KCNS3: variants seen among roughly 807,000 people sequenced by gnomAD.
KCNS3 encodes potassium voltage-gated channel modifier subfamily S member 3.
In KCNS3, 13 loss-of-function variants were observed where a neutral mutation model predicts 31.0. The ratio of observed to expected loss-of-function variants is 0.42; its 90% CI spans 0.27 to 0.67. The LOEUF is 0.67. Ranked by LOEUF, KCNS3 falls within the 30% of genes least tolerant of loss-of-function variation. The probability of loss-of-function intolerance (pLI) is 0.25; values close to 1 mark genes in which losing one functional copy is unlikely to be tolerated. For synonymous variants in KCNS3, 238 were observed against 241.5 expected (o/e 0.99, Z 0.13); for missense variants, 545 against 622.4 (o/e 0.88, Z 1.32).
chr2:17,902,882 C>T (rs770699783), intron 1 of KCNS3, among the ~76,000 whole-genome samples: 8 of 152,142 alleles, frequency 5.3e-5, no homozygotes, highest in Non-Finnish European at 1.2e-4. Context: ...CCAATTTTTC[C>T]ATGTACTTTT....
chr2:17,891,914 C>A (rs1249143125), intron 1 of KCNS3, among the ~76,000 whole-genome samples: 1 of 152,098 alleles, frequency 6.6e-6, no homozygotes, highest in Admixed American at 6.5e-5. Context: ...AGGTGAAGAT[C>A]TTTTTATGAT....
chr2:17,884,791 C>T (rs1458516900), intron 1 of KCNS3, among the ~76,000 whole-genome samples: 3 of 152,100 alleles, frequency 2.0e-5, no homozygotes, highest in Non-Finnish European at 4.4e-5. Flanking sequence ...CATTTGAATC[C>T]TATCTCTGGC....
intron 1 of KCNS3, among the ~76,000 whole-genome samples, chr2:17,907,584 G>T (rs900359697): frequency 2.0e-5 from 3 of 152,146 alleles, no homozygotes; most frequent in Admixed American, 6.5e-5. Flanking sequence ...TCATGTTTTT[G>T]CAGTGGCTGG....
chr2:17,918,990 C>G (rs903447106), intron 2 of KCNS3, among the ~76,000 whole-genome samples: 1 of 152,342 alleles, frequency 6.6e-6, no homozygotes, highest in Non-Finnish European at 1.5e-5. Context: ...GTATTTACAG[C>G]AGGGCTAGGG....
At chr2:17,911,207 TA>T (rs1662464508) in intron 1 of KCNS3, among the ~76,000 whole-genome samples, 1 of 152,218 alleles carries the variant, frequency 6.6e-6, no homozygotes, top group Non-Finnish European at 1.5e-5. Context: ...GTATTGCCGT[TA>T]TTTATTTACC....
intron 1 of KCNS3, among the ~76,000 whole-genome samples, chr2:17,881,330 G>T (rs1248877963): frequency 2.0e-5 from 3 of 152,198 alleles, no homozygotes; most frequent in Non-Finnish European, 4.4e-5. Flanking sequence ...CCACCTGTGT[G>T]AAATACCCAC....
Position 17,901,287 on chromosome 2 carries a change from G to A in KCNS3, c.-251-16393G>A, listed in dbSNP as rs549364692. On this transcript the variant is annotated intron_variant, in intron 1 of 2. Coordinates refer to ENST00000304101, the MANE Select transcript of KCNS3 (RefSeq NM_002252.5). ...AGGTGTCTGTTGTGGTGAACCAGTG[G>A]AAAAATACCGAGTATCTGGATTAAG... Among the ~76,000 whole-genome samples the A allele has an allele frequency of 5.3e-5, 8 of 152,118 alleles. No homozygotes were observed. The South Asian group carries it at 8.3e-4, about 16-fold the overall frequency.
chr2:17,886,210 T>A (rs1032466664), intron 1 of KCNS3, among the ~76,000 whole-genome samples: 1 of 152,226 alleles, frequency 6.6e-6, no homozygotes, highest in Non-Finnish European at 1.5e-5. Flanking sequence ...TATATATTTT[T>A]TACTTTTATT....
In KCNS3 at chr2:17,931,592, T is replaced by C; in HGVS notation, c.584T>C (p.Val195Ala). The change falls in exon 3 of 3, where the codon GTG becomes GCG. Residue 195 changes from valine to alanine, a missense_variant. Val to Ala is a moderately conservative substitution (Grantham distance 64, BLOSUM62 0). Coordinates refer to ENST00000304101, the MANE Select transcript of KCNS3 (RefSeq NM_002252.5). The surrounding 1 kb of genome is among the most constrained non-coding windows in gnomAD (Gnocchi z 5.4). ...ATCGCTATCTCCTCCTTGAGCGTGG[T>C]GCTGGCCTCCATCGTGGCCATGTGC... is the stretch of plus-strand genomic sequence containing the variant. ...KLIAISSLSV[V>A]LASIVAMCVH... The C allele has an allele frequency of 6.2e-7, 1 of 1,614,188 alleles. No individual in the cohort carries two copies. The highest frequency in any genetic ancestry group is 8.5e-7 in the Non-Finnish European group (1 of 1,180,030).
intron 1 of KCNS3, among the ~76,000 whole-genome samples, chr2:17,913,437 A>G (rs894178818): frequency 2.0e-5 from 3 of 152,268 alleles, no homozygotes; most frequent in Admixed American, 6.5e-5. Flanking sequence ...GTGCATATGC[A>G]CAGTATATCA....
chr2:17,913,224 A>G (rs1315651572), intron 1 of KCNS3, among the ~76,000 whole-genome samples: 1 of 152,226 alleles, frequency 6.6e-6, no homozygotes, highest in East Asian at 1.9e-4. Context: ...ATATAATTTT[A>G]TTGCTCTCAG....
intron 1 of KCNS3, among the ~76,000 whole-genome samples, chr2:17,889,236 G>A (rs200246718): frequency 2.6e-5 from 4 of 152,088 alleles, no homozygotes; most frequent in Non-Finnish European, 4.4e-5. Flanking sequence ...CTTGGTCGCT[G>A]TTGGTGTATA....
chr2:17,916,623 CTG>C (rs1407070877), intron 1 of KCNS3, among the ~76,000 whole-genome samples: 1 of 152,188 alleles, frequency 6.6e-6, no homozygotes, highest in African/African-American at 2.4e-5. Context: ...AACTTGGAAA[CTG>C]TGTTCCTGCT....
intron 1 of KCNS3, among the ~76,000 whole-genome samples, chr2:17,900,510 G>GA (rs1392932907): frequency 1.3e-5 from 2 of 152,110 alleles, no homozygotes; most frequent in Non-Finnish European, 1.5e-5. Flanking sequence ...TTTGGTGGGG[G>GA]ATGGAGTCTC....
upstream of KCNS3, among the ~76,000 whole-genome samples, chr2:17,878,261 C>T (rs956952938): frequency 2.0e-5 from 3 of 152,118 alleles, no homozygotes; most frequent in African/African-American, 7.2e-5. Context: ...GCGGTTGCCC[C>T]AGCCGCCGGG....
At chr2:17,922,698 T>C (rs146931560) in intron 2 of KCNS3, among the ~76,000 whole-genome samples, 1 of 152,166 alleles carries the variant, frequency 6.6e-6, no homozygotes, top group Non-Finnish European at 1.5e-5. Flanking sequence ...TAATCTACTT[T>C]CTGTTTCTAT....
At chr2:17,926,961 G>C (rs1572503832) in intron 2 of KCNS3, among the ~76,000 whole-genome samples, 1 of 152,282 alleles carries the variant, frequency 6.6e-6, no homozygotes, top group East Asian at 1.9e-4. Flanking sequence ...TTTATGCTCT[G>C]CTTCCCTTTT....
upstream of KCNS3, chr2:17,878,535 C>T (rs1425117066): frequency 6.6e-6 from 1 of 150,794 alleles, no homozygotes; most frequent in Non-Finnish European, 1.5e-5. Context: ...GGCTGCGGGC[C>T]CGAAGCGAGG....
intron 1 of KCNS3, among the ~76,000 whole-genome samples, chr2:17,904,836 A>G (rs1029907616): frequency 3.3e-5 from 5 of 152,172 alleles, no homozygotes; most frequent in African/African-American, 1.2e-4. Flanking sequence ...TTTTGGTACC[A>G]GTACCATGCT....
Sources: allele counts gnomAD v4.1 joint callset (sites outside exome capture counted in the v4.1 genomes callset), GRCh38; gene constraint gnomAD v4.1.1; non-coding constraint Gnocchi (gnomAD v3.1); transcripts MANE v1.5; gene names NCBI Gene and HGNC (gene_info 2026-07-23, HGNC 2026-07-21).